The following DCDC1 variants were observed in gnomAD, a reference collection of about 807,000 sequenced individuals.
The protein encoded by DCDC1 is doublecortin domain-containing protein 1.
Under a neutral mutation model 178.3 loss-of-function variants are expected in DCDC1, and 200 were observed. That is an observed-to-expected ratio of 1.12 (90% CI 1.00 to 1.26). DCDC1 has a LOEUF of 1.26. DCDC1 is among the 50% of genes most tolerant of loss of function. The pLI is 0.00. For missense variants in DCDC1, 1,983 were observed against 1,749.2 expected (o/e 1.13, Z -2.38); for synonymous variants, 690 against 604.8 (o/e 1.14, Z -2.07).
At chr11:31,127,017 A>G (rs1248685926) in intron 11 of DCDC1, among the ~76,000 whole-genome samples, 1 of 152,200 alleles carries the variant, frequency 6.6e-6, no homozygotes, top group Non-Finnish European at 1.5e-5. Context: ...CTTATCCAAT[A>G]CAGATGCTTT....
chr11:31,217,479 A>T (rs1973734384), intron 9 of DCDC1, among the ~76,000 whole-genome samples: 1 of 152,212 alleles, frequency 6.6e-6, no homozygotes, highest in Non-Finnish European at 1.5e-5. Context: ...AAGGAAGAGC[A>T]CAAACTAGTC....
intron 9 of DCDC1, among the ~76,000 whole-genome samples, chr11:31,157,000 T>C (rs1479094009): frequency 6.6e-6 from 1 of 152,122 alleles, no homozygotes; most frequent in African/African-American, 2.4e-5. Flanking sequence ...AATAATGATA[T>C]CCATATTTCC....
chr11:30,910,891 G>A (rs759221338), intron 28 of DCDC1, among the ~76,000 whole-genome samples: 14 of 152,080 alleles, frequency 9.2e-5, no homozygotes, highest in South Asian at 2.1e-4. Context: ...TGCATCCTTC[G>A]GGAAGACCTC....
Position 30,916,947 on chromosome 11 carries a change from G to A in DCDC1, c.3375C>T (p.Asp1125=), listed in dbSNP as rs1945883559. Residue 1125 remains aspartate (D), a synonymous_variant, in exon 26 of 39, where the codon GAC becomes GAT. Transcript: ENST00000684477. ...TTGGAAGACTGTCATCCTCATCAAAGTCATGTGAAGTTTCCTGCCAGGCAT... is the reference window on the plus strand; with the variant it reads ...TTGGAAGACTGTCATCCTCATCAAAATCATGTGAAGTTTCCTGCCAGGCAT... ...PRYAWQETSH[D]FDEDDSLPKK... 4 of 1,610,118 alleles carry A rather than the reference G, an allele frequency of 2.5e-6. No individual in the cohort carries two copies. The highest frequency in any genetic ancestry group is 1.3e-5 in the African/African-American group (1 of 74,846).
At position 30,931,903 on chromosome 11, in the gene DCDC1, ATGGGAGGACTGCTCGGAACAAGCAGTCCT is replaced by A; in HGVS notation, c.2736_2764del (p.Gln912HisfsTer7). The A allele has an allele frequency of 6.2e-7, 1 of 1,613,022 alleles. No homozygotes were observed. Among genetic ancestry groups the A allele is most frequent in the Non-Finnish European group, 8.5e-7 (1 of 1,179,346 alleles). Reference sequence around the variant, plus strand: ...TGTTGTCTTACAGATGGGTTTCTTCATGGGAGGACTGCTCGGAACAAGCAGTCCTTGTATTGGCCAATCAAACTCCTTCA... The same window carrying A: ...TGTTGTCTTACAGATGGGTTTCTTCATGTATTGGCCAATCAAACTCCTTCA... On this transcript the variant is annotated frameshift_variant, in exon 22 of 39. Coordinates refer to ENST00000684477, the MANE Select transcript of DCDC1 (RefSeq NM_001387274.1). LOFTEE classifies it high-confidence loss of function.
intron 20 of DCDC1, among the ~76,000 whole-genome samples, chr11:30,984,883 T>C (rs985239499): frequency 6.6e-6 from 1 of 152,190 alleles, no homozygotes; most frequent in Non-Finnish European, 1.5e-5. Flanking sequence ...AGGAGAAAAC[T>C]GGGAATGGCA....
Position 31,064,458 on chromosome 11 carries a change from C to T in DCDC1, c.2591+11G>A, listed in dbSNP as rs917974899. The stretch of plus-strand genomic sequence containing the variant: ...ATTGAGCAATAAAGCTCAGTTCTGT[C>T]AGTACCCTACCTCTGAGCAGAAGCC... On this transcript the variant is annotated intron_variant, in intron 20 of 38. Coordinates refer to ENST00000684477, the MANE Select transcript of DCDC1 (RefSeq NM_001387274.1). The T allele has an allele frequency of 2.6e-6, 2 of 761,624 alleles. No individual in the cohort carries two copies. The highest frequency in any genetic ancestry group is 4.8e-6 in the Non-Finnish European group (2 of 415,436). The allele number at this position is 761,624 out of a possible 1,614,324, so 47.2% of individuals were successfully genotyped here.
At chr11:31,115,303 A>G (rs1310014738) in intron 11 of DCDC1, among the ~76,000 whole-genome samples, 1 of 152,134 alleles carries the variant, frequency 6.6e-6, no homozygotes, top group African/African-American at 2.4e-5. Flanking sequence ...GTTCAGTACT[A>G]TTATCTAGCC....
intron 17 of DCDC1, among the ~76,000 whole-genome samples, chr11:31,084,571 G>A (rs1047796236): frequency 6.6e-5 from 10 of 151,952 alleles, no homozygotes; most frequent in African/African-American, 1.9e-4. Flanking sequence ...CTTGGATTTC[G>A]CTTTTTGGAT....
chr11:30,967,877 G>A (rs931923041), intron 20 of DCDC1, among the ~76,000 whole-genome samples: 1 of 151,982 alleles, frequency 6.6e-6, no homozygotes, highest in Non-Finnish European at 1.5e-5. Flanking sequence ...CACCCCAGAG[G>A]TCCCACATGA....
intron 11 of DCDC1, among the ~76,000 whole-genome samples, chr11:31,125,166 T>G (rs915494448): frequency 1.3e-5 from 2 of 151,788 alleles, no homozygotes; most frequent in Admixed American, 1.3e-4. Flanking sequence ...CCAATAAACA[T>G]ATGAAAAAAA....
At chr11:31,333,008 G>A (rs988481764) in intron 2 of DCDC1, among the ~76,000 whole-genome samples, 41 of 152,284 alleles carry the variant, frequency 2.7e-4, no homozygotes, top group African/African-American at 8.2e-4. Flanking sequence ...ATTATTGTGT[G>A]AGAGTCAAAG....
chr11:30,870,967 C>T (rs1256235740), intron 38 of DCDC1, among the ~76,000 whole-genome samples: 1 of 152,184 alleles, frequency 6.6e-6, no homozygotes, highest in African/African-American at 2.4e-5. Context: ...GCCATGTCCA[C>T]AGCTTCCTGA....
At chr11:31,341,845 A>ACACACACAT (rs1950567324) in intron 1 of DCDC1, among the ~76,000 whole-genome samples, 1 of 149,936 alleles carries the variant, frequency 6.7e-6, no homozygotes, top group African/African-American at 2.5e-5. Flanking sequence ...ACACACACAC[A>ACACACACAT]TTTTTTTTGG....
chr11:31,314,781 A>C (rs979560912), intron 3 of DCDC1, among the ~76,000 whole-genome samples: 1 of 152,180 alleles, frequency 6.6e-6, no homozygotes, highest in Non-Finnish European at 1.5e-5. Context: ...TATGTCACTT[A>C]ACGACATCTG....
rs142908160 is a variant in DCDC1, at chr11:30,903,658, A to G, written c.4334T>C (p.Leu1445Pro). Residue 1445 changes from leucine (L) to proline (P), a missense_variant, in exon 32 of 39, where the codon CTT (leucine) becomes CCT (proline). By Grantham distance (98) the Leu-to-Pro change is moderately conservative. Coordinates refer to ENST00000684477, the MANE Select transcript of DCDC1 (RefSeq NM_001387274.1). ...PMLLTECTEQ[L>P]GLARAASKVY... The stretch of plus-strand genomic sequence containing the variant: ...TTTGGAGGCTGCTCTGGCAAGCCCA[A>G]GTTGTTCCGTGCATTCTGTAAGAAG... The G allele has an allele frequency of 5.7e-5, 91 of 1,608,302 alleles. No homozygotes were observed. Among genetic ancestry groups the G allele is most frequent in the Non-Finnish European group, 7.1e-5 (84 of 1,177,208 alleles).
At chr11:31,068,960 T>A (rs1366637736) in intron 18 of DCDC1, among the ~76,000 whole-genome samples, 1 of 151,992 alleles carries the variant, frequency 6.6e-6, no homozygotes. Flanking sequence ...CATGCCATTC[T>A]CCTGCCTCAG....
intron 9 of DCDC1, among the ~76,000 whole-genome samples, chr11:31,170,363 A>T (rs1050499760): frequency 1.3e-5 from 2 of 152,306 alleles, no homozygotes; most frequent in Admixed American, 1.3e-4. Context: ...ATAAATCCCA[A>T]AACTAGATCT....
At chr11:31,330,758 T>G (rs1419756312) in intron 2 of DCDC1, among the ~76,000 whole-genome samples, 1 of 152,220 alleles carries the variant, frequency 6.6e-6, no homozygotes, top group South Asian at 2.1e-4. Flanking sequence ...TTGGTCTATA[T>G]CTCTGTTTTG....
Sources: gnomAD v4.1 joint callset for allele counts (sites outside exome capture counted in the v4.1 genomes callset) on GRCh38, gnomAD v4.1.1 for gene constraint, MANE v1.5 for transcripts, NCBI Gene and HGNC (gene_info 2026-07-23, HGNC 2026-07-21) for gene names.